Variants in PLXNA4 observed in about 807,000 individuals in gnomAD.
The protein encoded by PLXNA4 is plexin-A4.
In PLXNA4, 44 loss-of-function variants were observed where a neutral mutation model predicts 191.8. That is an observed-to-expected ratio of 0.23 (90% confidence interval 0.18 to 0.29). The LOEUF (loss-of-function observed/expected upper bound fraction) is 0.29, where lower values mean the gene tolerates loss of function less well. Ranked by LOEUF, PLXNA4 falls within the 10% of genes least tolerant of loss-of-function variation. PLXNA4 has a pLI of 1.00. For missense variants in PLXNA4, 1,800 were observed against 2,488.8 expected, an observed-to-expected ratio of 0.72 and a Z score of 5.89; for synonymous variants, 1,082 against 1,009.5, an observed-to-expected ratio of 1.07 and a Z score of -1.36.
At chr7:132,360,515 A>G (rs1803890640) in intron 3 of PLXNA4, among the ~76,000 whole-genome samples, 2 of 152,230 alleles carry the variant, frequency 1.3e-5, no homozygotes, top group African/African-American at 4.8e-5. Flanking sequence ...CTATGGGGTT[A>G]CCAAAAAATA....
upstream of PLXNA4, among the ~76,000 whole-genome samples, chr7:132,579,373 A>G (rs908371932): frequency 6.6e-6 from 1 of 151,916 alleles, no homozygotes; most frequent in African/African-American, 2.4e-5. Flanking sequence ...TCATTCTAGC[A>G]TGTATTTTTA....
intron 1 of PLXNA4, among the ~76,000 whole-genome samples, chr7:132,515,103 G>C (rs915799456): frequency 1.4e-5 from 2 of 140,490 alleles, no homozygotes; most frequent in Admixed American, 7.8e-5. Context: ...ACAAGCAACA[G>C]GCTTTGGATA....
rs12112404 is a variant in PLXNA4 at position 132,164,533 on chromosome 7, G to A, written c.4354-245C>T. Among the ~76,000 whole-genome samples the A allele has an allele frequency of 5.8e-3, 882 of 152,086 alleles. 8 individuals carry two copies. The highest frequency in any genetic ancestry group is 0.02 in the African/African-American group (847 of 41,454). On this transcript the variant is annotated intron_variant, in intron 23 of 31. Transcript: ENST00000321063. ...TACCCATTTCTCCTTTCCTACTGCC[G>A]CCTCTCCAGGGCTCTTTCTTCCTCC...
At chr7:132,245,005 A>T (rs1483038824) in intron 4 of PLXNA4, among the ~76,000 whole-genome samples, 1 of 152,048 alleles carries the variant, frequency 6.6e-6, no homozygotes, top group Admixed American at 6.5e-5. Context: ...GCCTTACACC[A>T]TACAAAGCTG....
At chr7:132,267,791 T>A (rs1028166589) in intron 4 of PLXNA4, among the ~76,000 whole-genome samples, 9 of 152,140 alleles carry the variant, frequency 5.9e-5, no homozygotes, top group Non-Finnish European at 1.3e-4. Flanking sequence ...GTCCTCACCA[T>A]AATAAAGCAA....
intron 3 of PLXNA4, among the ~76,000 whole-genome samples, chr7:132,438,234 C>A (rs1585135029): frequency 1.3e-5 from 2 of 152,140 alleles, no homozygotes; most frequent in East Asian, 3.9e-4. Context: ...AGTATATGAC[C>A]ACTTAGAGCT....
At chr7:132,386,857 G>A (rs1368493819) in intron 3 of PLXNA4, among the ~76,000 whole-genome samples, 2 of 152,184 alleles carry the variant, frequency 1.3e-5, no homozygotes, top group Non-Finnish European at 2.9e-5. Flanking sequence ...GGACTGCAAA[G>A]CACATCACAT....
chr7:132,465,279 C>T (rs1038490059), intron 3 of PLXNA4, among the ~76,000 whole-genome samples: 6 of 152,214 alleles, frequency 3.9e-5, no homozygotes, highest in Non-Finnish European at 7.3e-5. Flanking sequence ...CTTTGGGGAA[C>T]ACTGGGAAAA....
chr7:132,408,443 A>G (rs1482042468), intron 3 of PLXNA4, among the ~76,000 whole-genome samples: 1 of 131,240 alleles, frequency 7.6e-6, no homozygotes, highest in Non-Finnish European at 1.5e-5. Context: ...TTGAACACAA[A>G]AACACTTTAT....
intron 2 of PLXNA4, among the ~76,000 whole-genome samples, chr7:132,645,720 C>T (rs1330158834): frequency 1.3e-5 from 2 of 152,278 alleles, no homozygotes; most frequent in Non-Finnish European, 1.5e-5. Flanking sequence ...AAGCTGCTGC[C>T]GGTTCCACAG....
At chr7:132,355,801 G>A (rs535026750) in intron 3 of PLXNA4, among the ~76,000 whole-genome samples, 1 of 152,254 alleles carries the variant, frequency 6.6e-6, no homozygotes, top group South Asian at 2.1e-4. Context: ...GAGAAAAATG[G>A]AGATCATATG....
intron 4 of PLXNA4, among the ~76,000 whole-genome samples, chr7:132,295,261 A>C (rs1801034994): frequency 6.6e-6 from 1 of 152,218 alleles, no homozygotes. Context: ...TGCTGGCAGC[A>C]AGAGAGACAA....
chr7:132,538,503 A>C (rs1447858936), intron 1 of PLXNA4, among the ~76,000 whole-genome samples: 1 of 152,210 alleles, frequency 6.6e-6, no homozygotes, highest in Non-Finnish European at 1.5e-5. Context: ...TGGGGGCTAT[A>C]CCTAAGGCTG....
At chr7:132,562,620 T>TTTC (rs1801264052) in intron 1 of PLXNA4, among the ~76,000 whole-genome samples, 1 of 65,410 alleles carries the variant, frequency 1.5e-5, no homozygotes, top group Non-Finnish European at 3.0e-5. Flanking sequence ...TCTCCTCCTC[T>TTTC]TCCTCCTCCT....
chr7:132,140,439 A>G (rs1452129356), intron 30 of PLXNA4, among the ~76,000 whole-genome samples, 160 bp downstream of exon 30: 1 of 152,144 alleles, frequency 6.6e-6, no homozygotes, highest in African/African-American at 2.4e-5. Context: ...GGACAGCAGC[A>G]CTGGGACTTG....
intron 3 of PLXNA4, among the ~76,000 whole-genome samples, chr7:132,365,360 T>TGTGCGCACGC: frequency 7.8e-6 from 1 of 128,742 alleles, no homozygotes; most frequent in African/African-American, 3.0e-5. Context: ...TGTGTGTGTG[T>TGTGCGCACGC]GCGTGCGCGC....
At chr7:132,472,092 C>T (rs995727566) in intron 3 of PLXNA4, among the ~76,000 whole-genome samples, 20 of 152,208 alleles carry the variant, frequency 1.3e-4, no homozygotes, top group African/African-American at 4.6e-4. Context: ...GCTCCATTAT[C>T]GTCTACAAGC....
At chr7:132,610,691 T>A (rs1803027825) in intron 2 of PLXNA4, among the ~76,000 whole-genome samples, 1 of 152,260 alleles carries the variant, frequency 6.6e-6, no homozygotes, top group South Asian at 2.1e-4. Flanking sequence ...CCAAAGTGCA[T>A]CATTTAAACC....
chr7:132,582,936 C>T (rs1802432776), intron 2 of PLXNA4, among the ~76,000 whole-genome samples: 1 of 152,164 alleles, frequency 6.6e-6, no homozygotes, highest in African/African-American at 2.4e-5. Flanking sequence ...AATAGATGTC[C>T]TGCCAGTCAC....
Sources: allele counts gnomAD v4.1 joint callset (sites outside exome capture counted in the v4.1 genomes callset), GRCh38; gene constraint gnomAD v4.1.1; transcripts MANE v1.5; gene names NCBI Gene and HGNC (gene_info 2026-07-23, HGNC 2026-07-21).